LIPJ: variants seen among roughly 807,000 people sequenced by gnomAD.
The protein encoded by LIPJ is lipase family member J.
LIPJ carries 33 observed loss-of-function variants against 39.8 expected under a neutral mutation model. The ratio of observed to expected loss-of-function variants is 0.83; its 90% CI spans 0.63 to 1.11. The LOEUF (loss-of-function observed/expected upper bound fraction) is 1.11, where lower values mean the gene tolerates loss of function less well. Ranked by LOEUF, LIPJ falls within the 50% of genes least tolerant of loss-of-function variation. The pLI is 0.00. For missense variants in LIPJ, 422 were observed against 427.9 expected, an observed-to-expected ratio of 0.99 and a Z score of 0.12; for synonymous variants, 128 against 139.2, an observed-to-expected ratio of 0.92 and a Z score of 0.57.
intron 2 of LIPJ, among the ~76,000 whole-genome samples, chr10:88,590,006 G>A (rs76359424): frequency 3.3e-5 from 5 of 151,568 alleles, no homozygotes; most frequent in East Asian, 3.9e-4. Flanking sequence ...TCATGCTTTT[G>A]GGGGGAGAAT....
At chr10:88,583,091 C>G (rs773555002), upstream of LIPJ, 1 of 1,613,934 alleles carries the variant, frequency 6.2e-7, no homozygotes, top group Non-Finnish European at 8.5e-7. Flanking sequence ...TCAGCCTTGT[C>G]CCACACAGCA....
At chr10:88,603,293 G>A (rs2134580279) in intron 9 of LIPJ, among the ~76,000 whole-genome samples, 1 of 152,192 alleles carries the variant, frequency 6.6e-6, no homozygotes. Flanking sequence ...CCGGAACACA[G>A]TTAGTTATCC....
At chr10:88,598,712 C>T (rs1851344186) in intron 8 of LIPJ, among the ~76,000 whole-genome samples, 1 of 151,632 alleles carries the variant, frequency 6.6e-6, no homozygotes. Context: ...GAAGGATGAA[C>T]AGAACAGTGC....
intron 4 of LIPJ, chr10:88,593,652 A>G (rs1009589670): frequency 4.1e-5 from 9 of 219,500 alleles, no homozygotes; most frequent in Non-Finnish European, 6.2e-5. Flanking sequence ...TAAAATGTGT[A>G]TGAGTGCTTG....
the LIPJ span, among the ~76,000 whole-genome samples, chr10:88,619,515 T>C: frequency 1.4e-5 from 2 of 148,098 alleles, no homozygotes; most frequent in South Asian, 2.1e-4. Context: ...TCCCTAAGAA[T>C]TGGTTATGGC....
chr10:88,598,764 A>C (rs929181741), intron 8 of LIPJ, among the ~76,000 whole-genome samples: 2 of 151,860 alleles, frequency 1.3e-5, no homozygotes, highest in African/African-American at 4.8e-5. Context: ...TAAGGTAAAC[A>C]GTAGTGACCC....
intron 3 of LIPJ, 83 bp downstream of exon 3, chr10:88,590,779 T>C (rs1389393311): frequency 3.9e-6 from 4 of 1,018,478 alleles, no homozygotes; most frequent in Middle Eastern, 2.4e-4. Context: ...CTTAATAGAT[T>C]TACAGTCAAA....
chr10:88,618,243 T>C, the LIPJ span: 9 of 152,226 alleles, frequency 5.9e-5, no homozygotes, highest in African/African-American at 2.2e-4. Flanking sequence ...CTAATAAGCC[T>C]ATTGATCTAG....
At chr10:88,589,012 A>G (rs959197451) in intron 2 of LIPJ, among the ~76,000 whole-genome samples, 4 of 151,924 alleles carry the variant, frequency 2.6e-5, no homozygotes, top group African/African-American at 9.7e-5. Context: ...ATTTGAGGCT[A>G]TAAATTGGGC....
At chr10:88,613,800 ATG>A in the LIPJ span, among the ~76,000 whole-genome samples, 16 of 74,152 alleles carry the variant, frequency 2.2e-4, no homozygotes, top group East Asian at 4.1e-4. Context: ...ATATATATAT[ATG>A]TGTGTGTGTG....
At chr10:88,591,436 A>T (rs760179905) in exon 4 of LIPJ, 1 of 1,599,162 alleles carries the variant, frequency 6.3e-7, no homozygotes. Context: ...GTAACCGAAG[A>T]TGGTTATATC....
chr10:88,599,194 T>C (rs1851377408), intron 8 of LIPJ, among the ~76,000 whole-genome samples: 1 of 151,516 alleles, frequency 6.6e-6, no homozygotes, highest in South Asian at 2.1e-4. Flanking sequence ...GAGGTACAAT[T>C]GACAAATAAA....
chr10:88,589,715 T>G (rs1036276380), intron 2 of LIPJ, among the ~76,000 whole-genome samples: 4 of 151,874 alleles, frequency 2.6e-5, no homozygotes, highest in Non-Finnish European at 4.4e-5. Flanking sequence ...TAATTTGTTC[T>G]CTTGCATAAG....
exon 4 of LIPJ, chr10:88,591,397 G>T: frequency 6.3e-7 from 1 of 1,599,878 alleles, no homozygotes; most frequent in South Asian, 1.1e-5. Context: ...ATTTCCTACT[G>T]GGGCTACCCT....
At chr10:88,607,190 A>T (rs1423769437), downstream of LIPJ, among the ~76,000 whole-genome samples, 1 of 152,204 alleles carries the variant, frequency 6.6e-6, no homozygotes, top group Non-Finnish European at 1.5e-5. Flanking sequence ...ATTGCAGGAG[A>T]TAACTTTTTA....
At chr10:88,583,536 A>G, upstream of LIPJ, 3 of 1,116,244 alleles carry the variant, frequency 2.7e-6, no homozygotes, top group Non-Finnish European at 3.3e-6. Flanking sequence ...GACGTTGACC[A>G]CAGCAGAGAA....
chr10:88,613,770 G>GTATATATATA, the LIPJ span, among the ~76,000 whole-genome samples: 810 of 75,414 alleles, frequency 0.011, 15 homozygotes, highest in Non-Finnish European at 0.017. Flanking sequence ...ATGTGTGTGT[G>GTATATATATA]TATATATATA....
At position 88,596,901 on chromosome 10, in the gene LIPJ, A is replaced by T. The variant is rs115341667; in HGVS notation, c.688A>T (p.Met230Leu). The T allele has an allele frequency of 7.1e-4, 1,118 of 1,580,568 alleles. 8 individuals are homozygous for T. In the African/African-American group the frequency reaches 0.013, roughly 19 times the overall value. The change falls in exon 8 of 11, where the codon ATG (methionine) becomes TTG (leucine). Residue 230 changes from methionine to leucine, a missense_variant. Met to Leu is a conservative substitution (Grantham distance 15, BLOSUM62 2). Transcript: ENST00000371939. ...TAAGATTTGCCTCAATATCTTGTTTATGATGTTTGGATATGACCCAAAAAA... is the reference window on the plus strand; with the variant it reads ...TAAGATTTGCCTCAATATCTTGTTTTTGATGTTTGGATATGACCCAAAAAA...
rs779055334 is a variant in LIPJ, at chr10:88,593,971, A to G, written c.156A>G (p.Gln52=). 5 of 1,612,196 alleles carry G rather than the reference A, an allele frequency of 3.1e-6. No individual in the cohort carries two copies. The South Asian group carries it at 4.4e-5, about 14-fold the overall frequency. ...CTCAGAGGGTTGTTGTATACTTGCA[A>G]CATGGTTTGCTTACATCTGCCAGCA... The change falls in exon 5 of 11, where the codon CAA becomes CAG. Residue 52 remains glutamine, a synonymous_variant. Coordinates refer to ENST00000371939, the Ensembl canonical transcript of LIPJ.
Sources: allele counts gnomAD v4.1 joint callset (sites outside exome capture counted in the v4.1 genomes callset), GRCh38; gene constraint gnomAD v4.1.1; transcripts MANE v1.5; gene names NCBI Gene and HGNC (gene_info 2026-07-23, HGNC 2026-07-21).